PTAFR: variants seen among roughly 807,000 people sequenced by gnomAD.
PTAFR encodes platelet activating factor receptor, also known as platelet-activating factor receptor.
In PTAFR, 8 loss-of-function variants were observed where a neutral mutation model predicts 14.7. The ratio of observed to expected loss-of-function variants is 0.54; its 90% CI spans 0.32 to 0.98. The LOEUF (loss-of-function observed/expected upper bound fraction) is 0.98. PTAFR is among the 50% of genes least tolerant of loss of function. The pLI is 0.04. For missense variants in PTAFR, 337 were observed against 451.2 expected, an observed-to-expected ratio of 0.75 and a Z score of 2.29; for synonymous variants, 156 against 176.5, an observed-to-expected ratio of 0.88 and a Z score of 0.92.
At chr1:28,176,331 T>A (rs1447238500) in intron 1 of PTAFR, among the ~76,000 whole-genome samples, 1 of 150,092 alleles carries the variant, frequency 6.7e-6, no homozygotes, top group Non-Finnish European at 1.5e-5. Context: ...TAGTCCCAGA[T>A]ACTCGGGAGG....
At chr1:28,154,533 C>T (rs371484731) in intron 1 of PTAFR, among the ~76,000 whole-genome samples, 4 of 151,966 alleles carry the variant, frequency 2.6e-5, no homozygotes, top group Admixed American at 1.3e-4. Flanking sequence ...CTGATTGGGC[C>T]GGCCGTGGTG....
At chr1:28,162,957 T>A (rs1346529088) in intron 1 of PTAFR, among the ~76,000 whole-genome samples, 8 of 151,418 alleles carry the variant, frequency 5.3e-5, no homozygotes, top group African/African-American at 1.9e-4. Context: ...TGGGCTAACA[T>A]CTTCCGTGGC....
upstream of PTAFR, among the ~76,000 whole-genome samples, chr1:28,180,628 T>C (rs955523020): frequency 4.6e-5 from 7 of 152,010 alleles, no homozygotes; most frequent in African/African-American, 1.7e-4. Flanking sequence ...CCACAGTGGG[T>C]CTGGAGGAGA....
chr1:28,188,020 A>G (rs1160085664), intron 1 of PTAFR, among the ~76,000 whole-genome samples: 3 of 151,952 alleles, frequency 2.0e-5, no homozygotes, highest in African/African-American at 7.3e-5. Context: ...TCTACTGAAA[A>G]TACAAAAATG....
chr1:28,162,130 T>G (rs1646330289), intron 1 of PTAFR, among the ~76,000 whole-genome samples: 1 of 152,126 alleles, frequency 6.6e-6, no homozygotes, highest in Admixed American at 6.6e-5. Context: ...GAGAGCTGCT[T>G]CAGTGTCGCT....
chr1:28,172,632 A>G (rs531814842), intron 1 of PTAFR, among the ~76,000 whole-genome samples: 1 of 152,300 alleles, frequency 6.6e-6, no homozygotes, highest in African/African-American at 2.4e-5. Flanking sequence ...GTCCTCAGAA[A>G]ATGTTTGTTG....
At chr1:28,159,551 G>T (rs887460788) in intron 1 of PTAFR, among the ~76,000 whole-genome samples, 5 of 152,000 alleles carry the variant, frequency 3.3e-5, no homozygotes, top group Non-Finnish European at 7.4e-5. Flanking sequence ...CAAGAAGTTC[G>T]ATTGAGCCAG....
intron 1 of PTAFR, among the ~76,000 whole-genome samples, chr1:28,168,010 G>C (rs542568644): frequency 8.3e-5 from 11 of 132,318 alleles, no homozygotes; most frequent in Non-Finnish European, 1.2e-4. Flanking sequence ...GCAGGCTGGA[G>C]TGCAGTGGCG....
At chr1:28,156,046 G>C (rs1370308956) in intron 1 of PTAFR, among the ~76,000 whole-genome samples, 3 of 151,878 alleles carry the variant, frequency 2.0e-5, no homozygotes, top group African/African-American at 7.3e-5. Context: ...TGGATCACCT[G>C]AGGTCAGGAG....
At chr1:28,180,832 G>A (rs1215631733), upstream of PTAFR, among the ~76,000 whole-genome samples, 1 of 150,208 alleles carries the variant, frequency 6.7e-6, no homozygotes, top group Non-Finnish European at 1.5e-5. Flanking sequence ...AGGAAGGAGA[G>A]AGAAAGTAAA....
intron 1 of PTAFR, among the ~76,000 whole-genome samples, chr1:28,182,178 A>T (rs1646568055): frequency 6.6e-6 from 1 of 151,704 alleles, no homozygotes; most frequent in South Asian, 2.1e-4. Flanking sequence ...TGTACTAAGA[A>T]TACTAAAATT....
intron 1 of PTAFR, among the ~76,000 whole-genome samples, chr1:28,174,600 C>T (rs188179274): frequency 6.6e-6 from 1 of 152,206 alleles, no homozygotes; most frequent in African/African-American, 2.4e-5. Context: ...AACACAGTGT[C>T]AGGGGCAGAG....
intron 1 of PTAFR, among the ~76,000 whole-genome samples, chr1:28,186,625 G>C (rs1463148592): frequency 1.3e-5 from 2 of 152,224 alleles, no homozygotes; most frequent in African/African-American, 4.8e-5. Flanking sequence ...TAAAGTCACA[G>C]TATTAAGACA....
intron 1 of PTAFR, among the ~76,000 whole-genome samples, chr1:28,161,287 T>C (rs1452123917): frequency 6.6e-6 from 1 of 152,180 alleles, no homozygotes; most frequent in African/African-American, 2.4e-5. Flanking sequence ...ACAATGTCCA[T>C]GCATTCACCT....
intron 1 of PTAFR, among the ~76,000 whole-genome samples, chr1:28,172,001 G>A (rs1415297620): frequency 6.6e-6 from 1 of 151,920 alleles, no homozygotes; most frequent in East Asian, 1.9e-4. Flanking sequence ...TATGCCTCTG[G>A]TTTTTGTGTG....
chr1:28,163,043 CT>C, intron 1 of PTAFR, among the ~76,000 whole-genome samples: 1 of 152,260 alleles, frequency 6.6e-6, no homozygotes, highest in African/African-American at 2.4e-5. Context: ...ATTTTCTACT[CT>C]TGCTGCACTG....
chr1:28,183,775 T>C (rs1230152859), intron 1 of PTAFR, among the ~76,000 whole-genome samples: 1 of 152,030 alleles, frequency 6.6e-6, no homozygotes, highest in Non-Finnish European at 1.5e-5. Flanking sequence ...TAATCCCAGC[T>C]ACTCAAGAGG....
intron 1 of PTAFR, among the ~76,000 whole-genome samples, chr1:28,151,667 A>C (rs7516305): frequency 0.13 from 19,892 of 151,934 alleles, 1,820 homozygotes; most frequent in African/African-American, 0.25. Flanking sequence ...CTCACACAAA[A>C]AAAAAAAATA....
upstream of PTAFR, among the ~76,000 whole-genome samples, chr1:28,180,600 G>C (rs747615600): frequency 1.3e-5 from 2 of 152,094 alleles, no homozygotes; most frequent in Non-Finnish European, 2.9e-5. Flanking sequence ...AGTGTACTCT[G>C]GGCATGCATC....
Sources: gnomAD v4.1 joint callset for allele counts (sites outside exome capture counted in the v4.1 genomes callset) on GRCh38, gnomAD v4.1.1 for gene constraint, MANE v1.5 for transcripts, NCBI Gene and HGNC (gene_info 2026-07-23, HGNC 2026-07-21) for gene names.